The following MTUS2 variants were observed in gnomAD, a reference collection of about 807,000 sequenced individuals.
MTUS2 encodes microtubule associated scaffold protein 2, also known as microtubule-associated tumor suppressor candidate 2.
Under a neutral mutation model 114.1 loss-of-function variants are expected in MTUS2, and 40 were observed. The observed-to-expected ratio is 0.35, with a 90% CI of 0.27 to 0.46. The LOEUF (loss-of-function observed/expected upper bound fraction) is 0.46. Ranked by LOEUF, MTUS2 falls within the 20% of genes least tolerant of loss-of-function variation. MTUS2 has a pLI of 1.00. For missense variants in MTUS2, 1,679 were observed against 1,705.4 expected, an observed-to-expected ratio of 0.98 and a Z score of 0.27; for synonymous variants, 688 against 672.0, an observed-to-expected ratio of 1.02 and a Z score of -0.37.
intron 8 of MTUS2, among the ~76,000 whole-genome samples, chr13:29,381,762 C>T (rs1872223392): frequency 6.6e-6 from 1 of 151,580 alleles, no homozygotes. Context: ...AGCACAGAAA[C>T]TTGTCTCAGC....
chr13:29,489,812 A>T (rs1002444233), intron 11 of MTUS2: 2 of 152,244 alleles, frequency 1.3e-5, no homozygotes, highest in East Asian at 3.8e-4. Flanking sequence ...GCAATGGTTT[A>T]TGTCATCTTC....
chr13:29,034,896 C>G (rs903285142), intron 4 of MTUS2, among the ~76,000 whole-genome samples: 2 of 152,092 alleles, frequency 1.3e-5, no homozygotes, highest in Non-Finnish European at 2.9e-5. Context: ...AATTATGCAC[C>G]TTTGAAATAG....
intron 5 of MTUS2, among the ~76,000 whole-genome samples, chr13:29,255,208 C>T (rs995967192): frequency 6.6e-5 from 10 of 152,132 alleles, no homozygotes; most frequent in African/African-American, 1.9e-4. Flanking sequence ...CTGCAGCTCT[C>T]GTGTTCTGAG....
rs541337089 is a variant in MTUS2 at position 29,050,427 on chromosome 13, C to T, written c.2446+16302C>T. Among the ~76,000 whole-genome samples the T allele has an allele frequency of 7.9e-5, 12 of 152,070 alleles. No individual in the cohort carries two copies. The East Asian group carries it at 9.8e-4, about 12-fold the overall frequency. On this transcript the variant is annotated intron_variant, in intron 4 of 15. Transcript: ENST00000612955. Reference sequence around the variant, plus strand: ...ACCTGGTTCTTACAAAGCAAGTGACCCCATCCTCACCACTCCAAACTCTCA... The same window carrying T: ...ACCTGGTTCTTACAAAGCAAGTGACTCCATCCTCACCACTCCAAACTCTCA...
At chr13:28,939,226 T>C (rs1255320121) in intron 2 of MTUS2, among the ~76,000 whole-genome samples, 1 of 152,230 alleles carries the variant, frequency 6.6e-6, no homozygotes, top group African/African-American at 2.4e-5. Context: ...CTTCCTTGTA[T>C]TGAAACATTG....
rs111979330 is a variant in MTUS2 at position 29,398,986 on chromosome 13, G to A, written c.3117+39513G>A. 9.2e-3 allele frequency among the ~76,000 whole-genome samples: 1,405 copies of A among 152,276 alleles called. 19 individuals carry two copies. Among genetic ancestry groups the A allele is most frequent in the African/African-American group, 0.032 (1,315 of 41,552 alleles). On this transcript the variant is annotated intron_variant, in intron 8 of 15. Coordinates refer to ENST00000612955, the MANE Select transcript of MTUS2 (RefSeq NM_001033602.4). The stretch of plus-strand genomic sequence containing the variant: ...TCTTGCACAAGAAAGAATTCAGGGC[G>A]AGTCCGTACAGTGAAGTGAAAGCAA...
chr13:28,937,864 TGAA>T (rs1194021605), intron 2 of MTUS2, among the ~76,000 whole-genome samples: 1 of 152,052 alleles, frequency 6.6e-6, no homozygotes, highest in East Asian at 1.9e-4. Context: ...GACAAAGACT[TGAA>T]GAAGGAAGAC....
At chr13:29,011,688 C>A (rs1036541480) in intron 2 of MTUS2, among the ~76,000 whole-genome samples, 1 of 152,152 alleles carries the variant, frequency 6.6e-6, no homozygotes, top group Non-Finnish European at 1.5e-5. Context: ...ATATTCCAAG[C>A]CTGCTGATCC....
At chr13:29,223,832 G>A (rs765244267) in intron 5 of MTUS2, among the ~76,000 whole-genome samples, 20 of 152,216 alleles carry the variant, frequency 1.3e-4, no homozygotes, top group Non-Finnish European at 1.0e-4. Flanking sequence ...ACCCTCTTTG[G>A]AGTTCTGCAG....
chr13:29,082,228 G>A (rs1380069417), intron 4 of MTUS2, among the ~76,000 whole-genome samples: 1 of 152,138 alleles, frequency 6.6e-6, no homozygotes, highest in Admixed American at 6.5e-5. Flanking sequence ...GACCATGCTG[G>A]CACCCTGATA....
chr13:29,391,401 A>G (rs1873448014), intron 8 of MTUS2, among the ~76,000 whole-genome samples: 1 of 152,220 alleles, frequency 6.6e-6, no homozygotes, highest in Admixed American at 6.5e-5. Context: ...TTACAACTGT[A>G]GTGGATGTTC....
At chr13:29,200,607 ATTT>A (rs1378874534) in intron 5 of MTUS2, among the ~76,000 whole-genome samples, 1 of 137,786 alleles carries the variant, frequency 7.3e-6, no homozygotes, top group Non-Finnish European at 1.5e-5. Context: ...TGCACCCTCC[ATTT>A]CCTGGGTTCA....
intron 14 of MTUS2, 30 bp downstream of exon 14, chr13:29,498,567 ACCTCCATGAC>A: frequency 6.2e-7 from 1 of 1,612,912 alleles, no homozygotes; most frequent in Non-Finnish European, 8.5e-7. Flanking sequence ...CGGGAGAGTA[ACCTCCATGAC>A]ATTCCTGCTG....
At chr13:28,978,860 G>A (rs894226506) in intron 2 of MTUS2, among the ~76,000 whole-genome samples, 1 of 152,166 alleles carries the variant, frequency 6.6e-6, no homozygotes, top group East Asian at 1.9e-4. Flanking sequence ...AAGGCTGTTA[G>A]GCTCTGACAG....
intron 5 of MTUS2, among the ~76,000 whole-genome samples, chr13:29,177,519 T>A (rs1429706763): frequency 6.9e-6 from 1 of 144,906 alleles, no homozygotes; most frequent in Non-Finnish European, 1.5e-5. Context: ...CCCTAATTGA[T>A]CTCAGAACCT....
intron 2 of MTUS2, among the ~76,000 whole-genome samples, chr13:28,871,832 G>T (rs1201907183): frequency 6.6e-6 from 1 of 152,146 alleles, no homozygotes. Context: ...ATGCAAAAGA[G>T]CCCACCATTC....
intron 5 of MTUS2, among the ~76,000 whole-genome samples, chr13:29,168,710 G>C (rs1018077803): frequency 3.3e-5 from 5 of 152,120 alleles, no homozygotes; most frequent in African/African-American, 1.2e-4. Flanking sequence ...CTAGCCTTGT[G>C]AACAAATTTG....
At chr13:28,997,813 C>A (rs1229319423) in intron 2 of MTUS2, among the ~76,000 whole-genome samples, 6 of 150,236 alleles carry the variant, frequency 4.0e-5, no homozygotes, top group Non-Finnish European at 4.5e-5. Context: ...TTCCTGAATA[C>A]AGCACAATGA....
At chr13:29,457,946 G>T (rs1879236824) in intron 9 of MTUS2, among the ~76,000 whole-genome samples, 1 of 152,044 alleles carries the variant, frequency 6.6e-6, no homozygotes, top group Non-Finnish European at 1.5e-5. Context: ...TAGAGAGAAG[G>T]TTTCACCATG....
Sources: gnomAD v4.1 joint callset for allele counts (sites outside exome capture counted in the v4.1 genomes callset) on GRCh38, gnomAD v4.1.1 for gene constraint, MANE v1.5 for transcripts, NCBI Gene and HGNC (gene_info 2026-07-23, HGNC 2026-07-21) for gene names.